The following ATP11B variants were observed in gnomAD, a reference collection of about 807,000 sequenced individuals.
ATP11B encodes the protein ATPase phospholipid transporting 11B (putative), also known as phospholipid-transporting ATPase IF.
Under a neutral mutation model 157.8 loss-of-function variants are expected in ATP11B, and 81 were observed. The ratio of observed to expected loss-of-function variants is 0.51; its 90% CI spans 0.43 to 0.62. ATP11B has a LOEUF of 0.62. Among genes scored for constraint, ATP11B ranks in the 20% least tolerant of loss-of-function variants. ATP11B has a pLI of 0.00. For synonymous variants in ATP11B, 451 were observed against 469.4 expected (o/e 0.96, Z 0.51); for missense variants, 1,165 against 1,402.2 (o/e 0.83, Z 2.70).
intron 7 of ATP11B, among the ~76,000 whole-genome samples, chr3:182,837,661 A>G (rs932966831): frequency 3.6e-4 from 55 of 152,080 alleles, no homozygotes; most frequent in Non-Finnish European, 6.2e-4. Context: ...AATTTTCTAT[A>G]AATATATAAC....
chr3:182,916,596 AAC>A (rs1725157889), intron 29 of ATP11B: 3 of 985,130 alleles, frequency 3.0e-6, no homozygotes, highest in South Asian at 9.4e-5. Context: ...GTGTATTACT[AAC>A]AGTTAAGCTA....
intron 17 of ATP11B, among the ~76,000 whole-genome samples, chr3:182,870,374 A>G (rs1196703384): frequency 1.3e-5 from 2 of 152,062 alleles, no homozygotes; most frequent in Non-Finnish European, 2.9e-5. Context: ...TGTGCTCCAC[A>G]CTCACCTCTG....
intron 25 of ATP11B, among the ~76,000 whole-genome samples, chr3:182,891,358 A>G (rs1382052146): frequency 6.6e-6 from 1 of 152,196 alleles, no homozygotes; most frequent in Non-Finnish European, 1.5e-5. Flanking sequence ...TTAGTAGGAA[A>G]AAGTATAAAG....
chr3:182,844,825 G>A (rs964615739), intron 8 of ATP11B, among the ~76,000 whole-genome samples: 2 of 151,340 alleles, frequency 1.3e-5, no homozygotes, highest in Non-Finnish European at 2.9e-5. Flanking sequence ...TTTTTAAATC[G>A]CTGCTTACTC....
intron 13 of ATP11B, 33 bp downstream of exon 13, chr3:182,865,731 T>A: frequency 6.5e-7 from 1 of 1,542,838 alleles, no homozygotes; most frequent in East Asian, 2.4e-5. Flanking sequence ...AATAAGGGTT[T>A]CATATGAAAT....
chr3:182,878,253 T>C (rs527908108), intron 19 of ATP11B, among the ~76,000 whole-genome samples: 1 of 152,250 alleles, frequency 6.6e-6, no homozygotes, highest in African/African-American at 2.4e-5. Flanking sequence ...AAGTTTCTTA[T>C]AAGACTAAAA....
At chr3:182,849,368 G>A (rs2971450) in intron 10 of ATP11B, among the ~76,000 whole-genome samples, 108,241 of 152,048 alleles carry the variant, frequency 0.71, 38,987 homozygotes, top group Non-Finnish European at 0.77. Flanking sequence ...GTATTATTAT[G>A]AAGTCCAGTC....
chr3:182,906,761 A>G (rs1466539452), intron 28 of ATP11B, among the ~76,000 whole-genome samples: 1 of 146,510 alleles, frequency 6.8e-6, no homozygotes, highest in African/African-American at 2.6e-5. Context: ...ATAAATTTTC[A>G]TAGTTGTATC....
intron 15 of ATP11B, 81 bp downstream of exon 15, chr3:182,867,525 CA>C (rs1169685399): frequency 1.2e-6 from 1 of 834,966 alleles, no homozygotes; most frequent in African/African-American, 1.7e-5. Flanking sequence ...CTGTAGCTCA[CA>C]GGGCAAATGT....
intron 21 of ATP11B, among the ~76,000 whole-genome samples, chr3:182,883,543 CCA>C (rs1560111393): frequency 6.6e-6 from 1 of 151,782 alleles, no homozygotes; most frequent in Non-Finnish European, 1.5e-5. Flanking sequence ...CAGGCGTGAG[CCA>C]CCACACCCAG....
intron 12 of ATP11B, among the ~76,000 whole-genome samples, chr3:182,862,730 A>C (rs1226151429): frequency 6.6e-6 from 1 of 151,396 alleles, no homozygotes; most frequent in African/African-American, 2.4e-5. Flanking sequence ...ATCAGTTACC[A>C]CTCATTCATC....
At chr3:182,865,398 G>T in intron 12 of ATP11B, 58 bp from the exon 13 acceptor site, 2 of 1,541,798 alleles carry the variant, frequency 1.3e-6, no homozygotes, top group Non-Finnish European at 1.7e-6. Context: ...TTTTTTTCTT[G>T]TTTAACATAG....
intron 10 of ATP11B, 40 bp from the exon 11 acceptor site, chr3:182,857,838 C>T (rs767142522): frequency 4.7e-6 from 6 of 1,275,446 alleles, no homozygotes; most frequent in Non-Finnish European, 6.7e-6. Context: ...TATAGTAATA[C>T]ATGAGTTGTA....
intron 10 of ATP11B, 114 bp from the exon 11 acceptor site, chr3:182,857,764 A>G: frequency 1.8e-6 from 1 of 558,614 alleles, no homozygotes; most frequent in Non-Finnish European, 3.1e-6. Flanking sequence ...TAAAATAGTT[A>G]CAGTAATACC....
At chr3:182,874,504 C>T (rs1240657117) in intron 19 of ATP11B, among the ~76,000 whole-genome samples, 3 of 136,116 alleles carry the variant, frequency 2.2e-5, no homozygotes, top group Admixed American at 6.9e-5. Context: ...TTTAACATTA[C>T]GATTTTTTTT....
chr3:182,850,366 A>G (rs1365455993), intron 10 of ATP11B, among the ~76,000 whole-genome samples: 2 of 151,964 alleles, frequency 1.3e-5, no homozygotes, highest in African/African-American at 4.8e-5. Flanking sequence ...CCAGCTACTC[A>G]GGAGGCTGAG....
intron 13 of ATP11B, 92 bp downstream of exon 13, chr3:182,865,790 T>A: frequency 1.1e-6 from 1 of 933,220 alleles, no homozygotes; most frequent in Non-Finnish European, 1.6e-6. Flanking sequence ...TTTGTGTCAG[T>A]AGAGCAAGGA....
At chr3:182,829,334 A>T (rs1717955127) in intron 3 of ATP11B, among the ~76,000 whole-genome samples, 1 of 152,210 alleles carries the variant, frequency 6.6e-6, no homozygotes, top group Non-Finnish European at 1.5e-5. Context: ...TGTTGATATC[A>T]TTCTGAATCC....
At chr3:182,802,225 A>G (rs763286174) in intron 1 of ATP11B, among the ~76,000 whole-genome samples, 21 of 152,248 alleles carry the variant, frequency 1.4e-4, no homozygotes, top group Non-Finnish European at 2.4e-4. Context: ...AACTACTGCT[A>G]CCTCTTACCT....
Sources: allele counts gnomAD v4.1 joint callset (sites outside exome capture counted in the v4.1 genomes callset), GRCh38; gene constraint gnomAD v4.1.1; transcripts MANE v1.5; gene names NCBI Gene and HGNC (gene_info 2026-07-23, HGNC 2026-07-21).